The following RIC1 variants were observed in gnomAD, a reference collection of about 807,000 sequenced individuals.
The protein encoded by RIC1 is RIC1 partner of RAB6A GEF complex.
Under a neutral mutation model 169.0 loss-of-function variants are expected in RIC1, and 88 were observed. The observed-to-expected ratio is 0.52, with a 90% CI of 0.44 to 0.62. RIC1 has a LOEUF of 0.62. RIC1 is among the 20% of genes least tolerant of loss of function. The pLI is 0.00. For missense variants in RIC1, 1,877 were observed against 1,725.5 expected (o/e 1.09, Z -1.56); for synonymous variants, 790 against 601.5 (o/e 1.31, Z -4.59).
At chr9:5,686,557 C>G (rs1163447800) in intron 2 of RIC1, among the ~76,000 whole-genome samples, 1 of 142,892 alleles carries the variant, frequency 7.0e-6, no homozygotes, top group Non-Finnish European at 1.5e-5. Context: ...TATTCTCACT[C>G]ATAGGTGGGA....
intron 3 of RIC1, 77 bp from the exon 4 acceptor site, chr9:5,713,819 A>G (rs1264736940): frequency 1.2e-6 from 1 of 822,898 alleles, no homozygotes; most frequent in South Asian, 1.8e-5. Context: ...CATTTACTTT[A>G]TTTGATTGTA....
intron 12 of RIC1, among the ~76,000 whole-genome samples, chr9:5,750,421 G>A (rs1248206842): frequency 1.3e-5 from 2 of 151,692 alleles, no homozygotes; most frequent in African/African-American, 2.4e-5. Flanking sequence ...ACTATGTTAG[G>A]GATTTCAACA....
chr9:5,740,655 C>A (rs1327537203), intron 8 of RIC1, among the ~76,000 whole-genome samples: 1 of 150,498 alleles, frequency 6.6e-6, no homozygotes, highest in African/African-American at 2.4e-5. Flanking sequence ...GGGGCTAGGC[C>A]CGTCTCTATT....
At chr9:5,761,389 C>T (rs891598956) in intron 17 of RIC1, among the ~76,000 whole-genome samples, 5 of 151,986 alleles carry the variant, frequency 3.3e-5, no homozygotes, top group Admixed American at 3.3e-4. Context: ...GCTGGGATTA[C>T]AGGTGTGAGC....
Position 5,772,927 on chromosome 9 carries a change from T to C in RIC1, c.3830T>C (p.Leu1277Pro), listed in dbSNP as rs915532725. ...LLHIFMEAGCLDWCIVIGLIL... is the reference protein window; with the variant it reads ...LLHIFMEAGCPDWCIVIGLIL... Reference sequence around the variant, plus strand: ...CACATTTTCATGGAGGCAGGGTGCCTAGACTGGTGCATCGTTATAGGCCTG... The same window carrying C: ...CACATTTTCATGGAGGCAGGGTGCCCAGACTGGTGCATCGTTATAGGCCTG... Residue 1277 changes from leucine to proline, a missense_variant, in exon 25 of 26, where the codon CTA becomes CCA. Coordinates refer to ENST00000414202, the MANE Select transcript of RIC1 (RefSeq NM_020829.4). 1.9e-6 allele frequency: 3 copies of C among 1,613,502 alleles called. No individual in the cohort carries two copies. The highest frequency in any genetic ancestry group is 2.7e-5 in the African/African-American group (2 of 74,906).
intron 3 of RIC1, among the ~76,000 whole-genome samples, chr9:5,700,911 A>G (rs997564222): frequency 1.3e-5 from 2 of 152,108 alleles, no homozygotes; most frequent in Non-Finnish European, 1.5e-5. Context: ...TTTTTTTTCA[A>G]ATAAGTATAA....
intron 16 of RIC1, 103 bp downstream of exon 16, chr9:5,756,475 A>G (rs772172935): frequency 2.6e-5 from 20 of 761,236 alleles, no homozygotes; most frequent in Non-Finnish European, 3.4e-5. Flanking sequence ...TTTATATTCA[A>G]TCTTGTTTTT....
intron 25 of RIC1, 65 bp downstream of exon 25, chr9:5,773,145 A>G (rs897465731): frequency 4.5e-6 from 4 of 896,968 alleles, no homozygotes; most frequent in African/African-American, 3.4e-5. Context: ...GTCCTTTCAC[A>G]TTAAGGCCTA....
chr9:5,685,042 G>C (rs981983386), intron 2 of RIC1, among the ~76,000 whole-genome samples: 7 of 151,778 alleles, frequency 4.6e-5, no homozygotes, highest in Non-Finnish European at 8.8e-5. Context: ...TTTTTATAAG[G>C]TTGAATTTAA....
At chr9:5,645,430 C>T (rs186737588) in intron 1 of RIC1, among the ~76,000 whole-genome samples, 26 of 152,298 alleles carry the variant, frequency 1.7e-4, no homozygotes, top group African/African-American at 5.8e-4. Context: ...ATATATACTT[C>T]GCAAAGTTCT....
At chr9:5,672,121 C>G (rs549515023) in intron 2 of RIC1, among the ~76,000 whole-genome samples, 1 of 152,312 alleles carries the variant, frequency 6.6e-6, no homozygotes, top group South Asian at 2.1e-4. Flanking sequence ...GAAGCCTCAG[C>G]TCAGCAGTAT....
At chr9:5,768,654 T>C (rs754562093) in intron 21 of RIC1, among the ~76,000 whole-genome samples, 4 of 152,220 alleles carry the variant, frequency 2.6e-5, no homozygotes, top group African/African-American at 4.8e-5. Flanking sequence ...TCATTGGGCT[T>C]TTCAAATATA....
Position 5,662,352 on chromosome 9 carries a change from A to G in RIC1, c.252+5662A>G, listed in dbSNP as rs559504955. Reference sequence around the variant, plus strand: ...AGATGATGCTGGCCTCATAGAATGAATTAAGGAGGAATCCCTAATTTTCAA... The same window carrying G: ...AGATGATGCTGGCCTCATAGAATGAGTTAAGGAGGAATCCCTAATTTTCAA... On this transcript the variant is annotated intron_variant, in intron 2 of 25. Coordinates refer to ENST00000414202, the MANE Select transcript of RIC1 (RefSeq NM_020829.4). Among the ~76,000 whole-genome samples the G allele has an allele frequency of 3.9e-5, 6 of 152,250 alleles. No homozygotes were observed. The East Asian group carries it at 1.2e-3, about 29-fold the overall frequency.
chr9:5,648,799 C>G (rs1818657303), intron 1 of RIC1, among the ~76,000 whole-genome samples: 1 of 152,060 alleles, frequency 6.6e-6, no homozygotes, highest in Admixed American at 6.6e-5. Flanking sequence ...GTTGGCCATC[C>G]ATATGTCTTT....
chr9:5,768,104 C>G (rs2131127772), intron 21 of RIC1, among the ~76,000 whole-genome samples: 1 of 152,362 alleles, frequency 6.6e-6, no homozygotes, highest in Admixed American at 6.5e-5. Flanking sequence ...AGACTAGGCT[C>G]TTTACCCCAC....
chr9:5,722,337 A>AGAGAGAG (rs1823650751), intron 6 of RIC1, among the ~76,000 whole-genome samples: 2 of 115,374 alleles, frequency 1.7e-5, no homozygotes, highest in East Asian at 2.5e-4. Flanking sequence ...CAAAAACTAT[A>AGAGAGAG]AGAGAGAGAG....
At chr9:5,761,458 T>C (rs1826336646) in intron 17 of RIC1, among the ~76,000 whole-genome samples, 1 of 152,136 alleles carries the variant, frequency 6.6e-6, no homozygotes, top group South Asian at 2.1e-4. Context: ...TACAGTCGTC[T>C]CTGATTTAGT....
intron 2 of RIC1, among the ~76,000 whole-genome samples, chr9:5,681,378 GT>G (rs1820829361): frequency 6.6e-6 from 1 of 152,136 alleles, no homozygotes; most frequent in Admixed American, 6.5e-5. Context: ...GTTCTCGTTG[GT>G]TTCAAAGAAC....
intron 2 of RIC1, among the ~76,000 whole-genome samples, chr9:5,674,824 G>A (rs1475791283): frequency 6.6e-6 from 1 of 152,192 alleles, no homozygotes; most frequent in Admixed American, 6.5e-5. Flanking sequence ...GAAAGGCACA[G>A]ATCACAGACT....
Sources: allele counts gnomAD v4.1 joint callset (sites outside exome capture counted in the v4.1 genomes callset), GRCh38; gene constraint gnomAD v4.1.1; transcripts MANE v1.5; gene names NCBI Gene and HGNC (gene_info 2026-07-23, HGNC 2026-07-21).